The following SCFD1 variants were observed in gnomAD, a reference collection of about 807,000 sequenced individuals.
SCFD1 encodes the protein sec1 family domain-containing protein 1.
Under a neutral mutation model 103.2 loss-of-function variants are expected in SCFD1, and 37 were observed. The ratio of observed to expected loss-of-function variants is 0.36; its 90% CI spans 0.28 to 0.47. SCFD1 has a LOEUF of 0.47. SCFD1 is among the 20% of genes least tolerant of loss of function. The pLI, the probability that SCFD1 is intolerant of heterozygous loss-of-function variation, is 1.00. For synonymous variants in SCFD1, 264 were observed against 245.0 expected (o/e 1.08, Z -0.73); for missense variants, 639 against 761.2 (o/e 0.84, Z 1.89).
At chr14:30,705,493 G>T (rs1566647527) in intron 17 of SCFD1, among the ~76,000 whole-genome samples, 1 of 152,164 alleles carries the variant, frequency 6.6e-6, no homozygotes, top group Non-Finnish European at 1.5e-5. Flanking sequence ...ATTTCAGGCT[G>T]GGCGCAGTGG....
At chr14:30,644,778 G>A (rs1055130655) in intron 7 of SCFD1, among the ~76,000 whole-genome samples, 2 of 152,144 alleles carry the variant, frequency 1.3e-5, no homozygotes, top group Non-Finnish European at 2.9e-5. Flanking sequence ...TTCCCATTCT[G>A]TAGGTTGTCC....
intron 23 of SCFD1, among the ~76,000 whole-genome samples, chr14:30,727,474 T>C (rs1278498430): frequency 6.6e-6 from 1 of 152,204 alleles, no homozygotes; most frequent in Non-Finnish European, 1.5e-5. Flanking sequence ...ATCATCAAGA[T>C]TCAGACAAAA....
chr14:30,645,992 T>C (rs1885785013), intron 7 of SCFD1, among the ~76,000 whole-genome samples: 1 of 152,124 alleles, frequency 6.6e-6, no homozygotes, highest in Non-Finnish European at 1.5e-5. Flanking sequence ...GTATGTTTCT[T>C]CATTGCCTAA....
intron 13 of SCFD1, 101 bp downstream of exon 13, chr14:30,674,098 A>T (rs1888805053): frequency 1.3e-6 from 1 of 740,892 alleles, no homozygotes; most frequent in Non-Finnish European, 2.2e-6. Flanking sequence ...AGGAAACTGT[A>T]GGCAATAGCA....
At chr14:30,708,222 C>T (rs1005356903) in intron 19 of SCFD1, among the ~76,000 whole-genome samples, 157 bp downstream of exon 19, 3 of 151,880 alleles carry the variant, frequency 2.0e-5, no homozygotes, top group African/African-American at 7.3e-5. Flanking sequence ...GGTACATGTG[C>T]AGGGTGTGCT....
At chr14:30,660,952 C>T (rs1240201287) in intron 10 of SCFD1, among the ~76,000 whole-genome samples, 1 of 152,092 alleles carries the variant, frequency 6.6e-6, no homozygotes, top group Non-Finnish European at 1.5e-5. Flanking sequence ...CTGGCTGCAT[C>T]CGTTTCTCAA....
At chr14:30,673,817 G>A (rs911531512) in intron 12 of SCFD1, 107 bp from the exon 13 acceptor site, 29 of 747,994 alleles carry the variant, frequency 3.9e-5, no homozygotes, top group East Asian at 3.1e-4. Context: ...AAAATCTTAC[G>A]GTATATCAAT....
chr14:30,721,547 A>G (rs1002821735), intron 21 of SCFD1, among the ~76,000 whole-genome samples: 4 of 152,134 alleles, frequency 2.6e-5, no homozygotes, highest in African/African-American at 9.7e-5. Context: ...AAAATTTACC[A>G]CATAAAATAT....
intron 14 of SCFD1, chr14:30,675,337 T>C (rs781135186): frequency 8.5e-6 from 2 of 236,074 alleles, no homozygotes; most frequent in Non-Finnish European, 1.6e-5. Flanking sequence ...ATCACTGCTG[T>C]ACATACTACT....
At chr14:30,622,774 C>G (rs776695338) in intron 1 of SCFD1, among the ~76,000 whole-genome samples, 6 of 152,166 alleles carry the variant, frequency 3.9e-5, no homozygotes, top group Non-Finnish European at 8.8e-5. Context: ...TTTAAGAGAA[C>G]TCCCATTTTC....
At position 30,722,479 on chromosome 14, in the gene SCFD1, C is replaced by G. The variant is rs1304946662; in HGVS notation, c.1771-15C>G. 3 of 1,483,876 alleles carry G rather than the reference C, an allele frequency of 2.0e-6. No homozygotes were observed. The highest frequency in any genetic ancestry group is 2.7e-6 in the Non-Finnish European group (3 of 1,100,350). 91.9% of individuals were successfully genotyped at this position (1,483,876 alleles called of 1,614,324 possible). A position where few individuals can be genotyped will look rare whatever the true frequency, so the allele number is the denominator to read the frequency against. Reference sequence around the variant, plus strand: ...AAAACTGTGTTTTTTTTTTTTTAATCTGTTTGCATTTTAGGCCATTGTTTT... The same window carrying G: ...AAAACTGTGTTTTTTTTTTTTTAATGTGTTTGCATTTTAGGCCATTGTTTT... On this transcript the variant is annotated splice_polypyrimidine_tract_variant and intron_variant, in intron 22 of 24. Coordinates refer to ENST00000458591, the MANE Select transcript of SCFD1 (RefSeq NM_016106.4).
intron 24 of SCFD1, 129 bp from the exon 25 acceptor site, chr14:30,735,456 AT>A: frequency 1.4e-6 from 1 of 692,812 alleles, no homozygotes; most frequent in Non-Finnish European, 2.5e-6. Flanking sequence ...GAACATTAAG[AT>A]TTATTATTCT....
At chr14:30,703,057 TA>T (rs34027870) in intron 17 of SCFD1, among the ~76,000 whole-genome samples, 5,757 of 139,822 alleles carry the variant, frequency 0.041, 358 homozygotes, top group African/African-American at 0.13. Flanking sequence ...TATTGCAAAG[TA>T]AAAAAAAAAA....
In SCFD1 at chr14:30,650,601, G is replaced by A. The variant is rs1162348178; in HGVS notation, c.706G>A (p.Ala236Thr). 4 of 1,610,298 alleles carry A rather than the reference G, an allele frequency of 2.5e-6. No individual in the cohort carries two copies. Among genetic ancestry groups the A allele is most frequent in the African/African-American group, 1.3e-5 (1 of 74,778 alleles). ...DKKLRENLRDARNSLFTGDTL... is the reference protein window; with the variant it reads ...DKKLRENLRDTRNSLFTGDTL... Reference sequence around the variant, plus strand: ...GAAACTTCGAGAAAATCTAAGAGATGCAAGAAACAGTCTTTTTACAGGTGA... The same window carrying A: ...GAAACTTCGAGAAAATCTAAGAGATACAAGAAACAGTCTTTTTACAGGTGA... Residue 236 changes from alanine (A) to threonine (T), a missense_variant, in exon 9 of 25, where the codon GCA (alanine) becomes ACA (threonine). Physicochemically the swap from Ala to Thr is moderately conservative, Grantham distance 58. Coordinates refer to ENST00000458591, the MANE Select transcript of SCFD1 (RefSeq NM_016106.4).
At chr14:30,702,066 G>C (rs1470226619) in intron 16 of SCFD1, among the ~76,000 whole-genome samples, 1 of 152,106 alleles carries the variant, frequency 6.6e-6, no homozygotes, top group Non-Finnish European at 1.5e-5. Context: ...TAAAAATACT[G>C]TACTTTTATA....
At chr14:30,631,717 C>G (rs1272953260) in intron 3 of SCFD1, among the ~76,000 whole-genome samples, 1 of 152,090 alleles carries the variant, frequency 6.6e-6, no homozygotes, top group East Asian at 1.9e-4. Context: ...AAAAATAAAA[C>G]AAATGCAGTA....
At chr14:30,734,517 G>A (rs1893700228) in intron 23 of SCFD1, 2 of 369,760 alleles carry the variant, frequency 5.4e-6, no homozygotes, top group Non-Finnish European at 1.0e-5. Flanking sequence ...AAATTTGACA[G>A]TGAGATTCCT....
chr14:30,711,246 A>G (rs553357752), intron 19 of SCFD1, among the ~76,000 whole-genome samples: 2 of 152,386 alleles, frequency 1.3e-5, no homozygotes, highest in South Asian at 2.1e-4. Flanking sequence ...AGATTAAAAA[A>G]AGACTTAAAA....
intron 14 of SCFD1, among the ~76,000 whole-genome samples, chr14:30,691,338 T>G (rs185541373): frequency 1.4e-3 from 206 of 152,312 alleles, no homozygotes; most frequent in African/African-American, 4.6e-3. Context: ...TATGGAGACA[T>G]TTAATGGATC....
Sources: gnomAD v4.1 joint callset for allele counts (sites outside exome capture counted in the v4.1 genomes callset) on GRCh38, gnomAD v4.1.1 for gene constraint, MANE v1.5 for transcripts, NCBI Gene and HGNC (gene_info 2026-07-23, HGNC 2026-07-21) for gene names.